LIN7A: variants seen among roughly 807,000 people sequenced by gnomAD.
LIN7A encodes the protein protein lin-7 homolog A.
A neutral mutation model predicts 29.8 loss-of-function variants in LIN7A; 25 were observed. That is an observed-to-expected ratio of 0.84 (90% CI 0.61 to 1.17). The LOEUF is 1.17. Among genes scored for constraint, LIN7A ranks in the 50% most tolerant of loss-of-function variants. The pLI is 0.00. For synonymous variants in LIN7A, 118 were observed against 107.5 expected, an observed-to-expected ratio of 1.10 and a Z score of -0.60; for missense variants, 239 against 287.0, an observed-to-expected ratio of 0.83 and a Z score of 1.21.
intron 4 of LIN7A, among the ~76,000 whole-genome samples, chr12:80,814,165 T>C (rs1319723210): frequency 6.6e-6 from 1 of 152,206 alleles, no homozygotes; most frequent in African/African-American, 2.4e-5. Context: ...ACTCAACTAA[T>C]ATGTTTATTA....
chr12:80,807,506 C>T (rs376726782), intron 5 of LIN7A, among the ~76,000 whole-genome samples: 26 of 152,258 alleles, frequency 1.7e-4, no homozygotes, highest in African/African-American at 5.8e-4. Flanking sequence ...TTTAGTAAGA[C>T]CTCAGAAATC....
intron 2 of LIN7A, among the ~76,000 whole-genome samples, chr12:80,863,947 C>A (rs138580093): frequency 1.0e-3 from 155 of 152,094 alleles, no homozygotes; most frequent in African/African-American, 3.5e-3. Context: ...GAAAAGGCAG[C>A]ACCAAATATT....
intron 1 of LIN7A, chr12:80,936,497 T>C (rs1425798255): frequency 6.6e-6 from 1 of 152,202 alleles, no homozygotes; most frequent in Non-Finnish European, 1.5e-5. Context: ...TAGAGGTACA[T>C]CGGACTAAAT....
At chr12:80,914,972 T>C (rs1303897269) in intron 1 of LIN7A, among the ~76,000 whole-genome samples, 1 of 151,868 alleles carries the variant, frequency 6.6e-6, no homozygotes, top group Non-Finnish European at 1.5e-5. Flanking sequence ...CACTTGAGCC[T>C]ATTGCAACAA....
chr12:80,881,584 A>G (rs1398774243), intron 2 of LIN7A, among the ~76,000 whole-genome samples: 6 of 151,988 alleles, frequency 3.9e-5, no homozygotes, highest in Admixed American at 3.9e-4. Context: ...TTTTACCATG[A>G]ACAATTTTTT....
intron 4 of LIN7A, among the ~76,000 whole-genome samples, chr12:80,845,237 A>C (rs1386226765): frequency 6.2e-3 from 77 of 12,336 alleles, no homozygotes; most frequent in Non-Finnish European, 0.01. Context: ...ATTCCATCTC[A>C]AAAAAAAAAA....
intron 1 of LIN7A, among the ~76,000 whole-genome samples, chr12:80,927,583 T>G (rs1409334751): frequency 1.3e-5 from 2 of 152,214 alleles, no homozygotes; most frequent in East Asian, 3.8e-4. Flanking sequence ...ACAGTGTGAT[T>G]CAAGCTGGCA....
intron 4 of LIN7A, among the ~76,000 whole-genome samples, chr12:80,833,789 G>A (rs1440108867): frequency 6.6e-6 from 1 of 152,068 alleles, no homozygotes; most frequent in Non-Finnish European, 1.5e-5. Context: ...CCTTTAAAAT[G>A]CTTCTTATTA....
At chr12:80,897,243 A>T (rs1875954987) in intron 1 of LIN7A, among the ~76,000 whole-genome samples, 1 of 150,252 alleles carries the variant, frequency 6.7e-6, no homozygotes, top group Non-Finnish European at 1.5e-5. Context: ...TTTATATTTG[A>T]TGTCTTTCCT....
chr12:80,908,055 C>G (rs959238301), intron 1 of LIN7A, among the ~76,000 whole-genome samples: 1 of 152,010 alleles, frequency 6.6e-6, no homozygotes, highest in Non-Finnish European at 1.5e-5. Flanking sequence ...TTTCTAAGTA[C>G]TTAGCCTGAG....
intron 2 of LIN7A, among the ~76,000 whole-genome samples, chr12:80,854,047 A>C (rs566912788): frequency 6.6e-6 from 1 of 152,236 alleles, no homozygotes; most frequent in Non-Finnish European, 1.5e-5. Flanking sequence ...TGGTACAGCT[A>C]TTTGAGAAAA....
intron 1 of LIN7A, among the ~76,000 whole-genome samples, chr12:80,907,799 C>A (rs1463803918): frequency 3.3e-5 from 5 of 151,978 alleles, no homozygotes; most frequent in East Asian, 1.9e-4. Flanking sequence ...TAAAGAGGAT[C>A]CCTATTTCAA....
intron 2 of LIN7A, among the ~76,000 whole-genome samples, chr12:80,860,594 C>CT (rs1873819564): frequency 6.6e-6 from 1 of 152,192 alleles, no homozygotes; most frequent in African/African-American, 2.4e-5. Context: ...GAATGGACCA[C>CT]TTCAGCCTCT....
At chr12:80,851,577 T>C (rs922608238) in intron 2 of LIN7A, among the ~76,000 whole-genome samples, 6 of 152,284 alleles carry the variant, frequency 3.9e-5, no homozygotes, top group Admixed American at 1.3e-4. Flanking sequence ...ATTTTTAAAG[T>C]ATTTGTAAAA....
chr12:80,881,817 T>C (rs961392699), intron 2 of LIN7A, among the ~76,000 whole-genome samples: 6 of 152,164 alleles, frequency 3.9e-5, no homozygotes, highest in Non-Finnish European at 8.8e-5. Flanking sequence ...TTTGTAATAG[T>C]TGGGTATTTC....
At chr12:80,814,758 A>T (rs1871453182) in intron 4 of LIN7A, among the ~76,000 whole-genome samples, 1 of 152,174 alleles carries the variant, frequency 6.6e-6, no homozygotes, top group Admixed American at 6.5e-5. Context: ...TATCAAAAGC[A>T]GACTCCACAG....
intron 1 of LIN7A, among the ~76,000 whole-genome samples, chr12:80,918,594 T>C (rs1388832179): frequency 6.6e-6 from 1 of 152,162 alleles, no homozygotes; most frequent in Non-Finnish European, 1.5e-5. Flanking sequence ...CCTTTCCCTT[T>C]AATTTCAGAC....
At chr12:80,804,708 T>A (rs1870893068) in intron 5 of LIN7A, among the ~76,000 whole-genome samples, 2 of 151,940 alleles carry the variant, frequency 1.3e-5, no homozygotes, top group African/African-American at 4.8e-5. Flanking sequence ...CTGGCTAATT[T>A]TTTTTTTTCT....
In LIN7A at chr12:80,796,755, A is replaced by G. The variant is rs1303007541; in HGVS notation, c.*972T>C. On this transcript the variant is annotated 3_prime_UTR_variant, in exon 6 of 6. Transcript: ENST00000552864. ...GCTTTAAAATATGAAATAGGCTTCT[A>G]TGACAGCACATCAGTGTGAGTAGAG... is the stretch of plus-strand genomic sequence containing the variant. 1 of 152,156 alleles carries G rather than the reference A, an allele frequency of 6.6e-6. No individual in the cohort carries two copies. Among genetic ancestry groups the G allele is most frequent in the Non-Finnish European group, 1.5e-5 (1 of 68,022 alleles). 9.4% of individuals were successfully genotyped at this position (152,156 alleles called of 1,614,324 possible).
Sources: gnomAD v4.1 joint callset for allele counts (sites outside exome capture counted in the v4.1 genomes callset) on GRCh38, gnomAD v4.1.1 for gene constraint, MANE v1.5 for transcripts, NCBI Gene and HGNC (gene_info 2026-07-23, HGNC 2026-07-21) for gene names.